The following SLC26A7 variants were observed in gnomAD, a reference collection of about 807,000 sequenced individuals.
The protein encoded by SLC26A7 is solute carrier family 26 member 7, also known as anion exchange transporter.
In SLC26A7, 59 loss-of-function variants were observed where a neutral mutation model predicts 82.5. That is an observed-to-expected ratio of 0.72 (90% CI 0.58 to 0.89). The LOEUF (loss-of-function observed/expected upper bound fraction) is 0.89, where lower values mean the gene tolerates loss of function less well. Ranked by LOEUF, SLC26A7 falls within the 40% of genes least tolerant of loss-of-function variation. The pLI, the probability that SLC26A7 is intolerant of heterozygous loss-of-function variation, is 0.00. For synonymous variants in SLC26A7, 271 were observed against 274.3 expected (o/e 0.99, Z 0.12); for missense variants, 820 against 793.0 (o/e 1.03, Z -0.41).
At chr8:91,372,933 C>A (rs1012575132) in intron 15 of SLC26A7, among the ~76,000 whole-genome samples, 2 of 151,694 alleles carry the variant, frequency 1.3e-5, no homozygotes, top group Non-Finnish European at 3.0e-5. Flanking sequence ...CTTGTAGAGG[C>A]CTTTCACGTC....
rs753535949 is a variant in SLC26A7 at position 91,395,143 on chromosome 8, A to G, written c.*46A>G. ...GCTCTTGTCTTTACCAACTGCCTGA[A>G]GAGGCCATATGCTGGCATTTTGCAC... is the stretch of plus-strand genomic sequence containing the variant. On this transcript the variant is annotated 3_prime_UTR_variant, in exon 19 of 19. Coordinates refer to ENST00000276609, the MANE Select transcript of SLC26A7 (RefSeq NM_052832.4). 4.3e-5 allele frequency: 69 copies of G among 1,611,744 alleles called. No individual in the cohort carries two copies. In the Admixed American group the frequency reaches 1.1e-3, roughly 27 times the overall value.
intron 4 of SLC26A7, among the ~76,000 whole-genome samples, chr8:91,305,392 C>T (rs1026931856): frequency 2.0e-5 from 3 of 152,070 alleles, no homozygotes; most frequent in African/African-American, 7.2e-5. Context: ...CAGACCTAGT[C>T]AATAAAATCT....
intron 5 of SLC26A7, among the ~76,000 whole-genome samples, chr8:91,319,006 A>G (rs370974729): frequency 1.3e-5 from 2 of 152,352 alleles, no homozygotes; most frequent in South Asian, 2.1e-4. Context: ...GCTGACAACC[A>G]AACTTTGTTT....
chr8:91,279,795 G>A (rs1811519916), intron 2 of SLC26A7, among the ~76,000 whole-genome samples: 5 of 152,068 alleles, frequency 3.3e-5, no homozygotes, highest in Admixed American at 2.6e-4. Context: ...TCCTGACCTC[G>A]TGTGCACCCG....
chr8:91,325,084 A>G (rs1229561350), intron 5 of SLC26A7, among the ~76,000 whole-genome samples: 1 of 152,196 alleles, frequency 6.6e-6, no homozygotes, highest in Admixed American at 6.5e-5. Flanking sequence ...TTATATGTGT[A>G]GCTGGCAGAA....
intron 2 of SLC26A7, among the ~76,000 whole-genome samples, chr8:91,230,772 C>G (rs1292211090): frequency 1.3e-5 from 2 of 152,246 alleles, no homozygotes; most frequent in South Asian, 2.1e-4. Flanking sequence ...TTTATGTATA[C>G]TGAATACTAC....
chr8:91,391,717 G>T (rs770495288), intron 16 of SLC26A7, among the ~76,000 whole-genome samples: 2 of 152,020 alleles, frequency 1.3e-5, no homozygotes, highest in Non-Finnish European at 2.9e-5. Context: ...CTGGGTTCTG[G>T]TTCTGACCTA....
rs745790203 is a variant in SLC26A7 at position 91,363,495 on chromosome 8, A to G, written c.1445A>G (p.Asn482Ser). 1 of 1,509,934 alleles carries G rather than the reference A, an allele frequency of 6.6e-7. No individual in the cohort carries two copies. The highest frequency in any genetic ancestry group is 2.4e-5 in the East Asian group (1 of 42,482). The allele number at this position is 1,509,934 out of a possible 1,614,324, so 93.5% of individuals were successfully genotyped here. ...AGAGCAATGACTGTAAGTATAAAAAATATGAAAGAAATGGAATTTAAAGTG... is the reference window on the plus strand; with the variant it reads ...AGAGCAATGACTGTAAGTATAAAAAGTATGAAAGAAATGGAATTTAAAGTG... ...FPRAMTVSIK[N>S]MKEMEFKVKT... Residue 482 changes from asparagine to serine, a missense_variant, in exon 13 of 19, where the codon AAT (asparagine) becomes AGT (serine). Asn to Ser is a conservative substitution (Grantham distance 46). Coordinates refer to ENST00000276609, the MANE Select transcript of SLC26A7 (RefSeq NM_052832.4).
chr8:91,225,293 A>C (rs1483581893), intron 2 of SLC26A7, among the ~76,000 whole-genome samples: 2 of 152,214 alleles, frequency 1.3e-5, no homozygotes, highest in Non-Finnish European at 2.9e-5. Context: ...GCTAGATCCC[A>C]GTGGCATGGG....
At chr8:91,288,384 G>A (rs544733775) in intron 2 of SLC26A7, among the ~76,000 whole-genome samples, 4 of 152,202 alleles carry the variant, frequency 2.6e-5, no homozygotes, top group South Asian at 2.1e-4. Context: ...TTTTGGTCAC[G>A]TTGAAACCAC....
chr8:91,306,823 C>T (rs936943332), intron 4 of SLC26A7, among the ~76,000 whole-genome samples: 1 of 151,764 alleles, frequency 6.6e-6, no homozygotes, highest in Non-Finnish European at 1.5e-5. Context: ...TATCCTTTCA[C>T]CTCAGCCTCA....
At chr8:91,259,138 G>A (rs1273865730) in intron 2 of SLC26A7, among the ~76,000 whole-genome samples, 1 of 152,074 alleles carries the variant, frequency 6.6e-6, no homozygotes, top group Non-Finnish European at 1.5e-5. Flanking sequence ...GGGAATCAAT[G>A]TTTAAATACC....
intron 14 of SLC26A7, among the ~76,000 whole-genome samples, 190 bp from the exon 15 acceptor site, chr8:91,369,595 T>C (rs1814296890): frequency 6.6e-6 from 1 of 152,186 alleles, no homozygotes; most frequent in African/African-American, 2.4e-5. Flanking sequence ...AATTGCTGTA[T>C]ACTTAGAATT....
intron 9 of SLC26A7, among the ~76,000 whole-genome samples, chr8:91,345,107 A>AT (rs575561031): frequency 0.013 from 1,835 of 137,776 alleles, 30 homozygotes; most frequent in African/African-American, 0.041. Flanking sequence ...ACACCTTGCT[A>AT]TTTTTTTTTT....
chr8:91,218,408 C>T (rs1291443748), intron 1 of SLC26A7, among the ~76,000 whole-genome samples: 3 of 151,968 alleles, frequency 2.0e-5, no homozygotes, highest in Admixed American at 6.6e-5. Context: ...TTGCCTGAGA[C>T]CCAGCCAGTG....
At chr8:91,390,701 C>T (rs536372377) in intron 16 of SLC26A7, among the ~76,000 whole-genome samples, 1 of 151,998 alleles carries the variant, frequency 6.6e-6, no homozygotes, top group East Asian at 1.9e-4. Context: ...GAGTTCTTTC[C>T]TCACCATTGA....
rs1160502244 is a variant in SLC26A7, at chr8:91,307,726, C to G, written c.478-10490C>G. On this transcript the variant is annotated intron_variant, in intron 4 of 18. Coordinates refer to ENST00000276609, the MANE Select transcript of SLC26A7 (RefSeq NM_052832.4). ...ATGACGAGTTAGTGGGTGCAGCGCACCAGCATGGCACATGTATACATATGT... is the reference window on the plus strand; with the variant it reads ...ATGACGAGTTAGTGGGTGCAGCGCAGCAGCATGGCACATGTATACATATGT... Among the ~76,000 whole-genome samples, 288 of 143,434 alleles carry G rather than the reference C, an allele frequency of 2.0e-3. 1 individual carries two copies. The highest frequency in any genetic ancestry group is 3.6e-3 in the Non-Finnish European group (236 of 65,466). The allele number at this position is 143,434 out of a possible 152,430, so 94.1% of individuals were successfully genotyped here. A position where few individuals can be genotyped will look rare whatever the true frequency, so the allele number is the denominator to read the frequency against.
At chr8:91,319,273 A>G (rs1812726413) in intron 5 of SLC26A7, among the ~76,000 whole-genome samples, 2 of 152,302 alleles carry the variant, frequency 1.3e-5, no homozygotes, top group South Asian at 2.1e-4. Context: ...ATAAGTTCCT[A>G]TGATAGAATT....
intron 14 of SLC26A7, among the ~76,000 whole-genome samples, chr8:91,368,832 T>G (rs1465501954): frequency 6.6e-6 from 1 of 152,204 alleles, no homozygotes; most frequent in Non-Finnish European, 1.5e-5. Context: ...CCCTGAGATG[T>G]AAGTGGCATT....
Sources: gnomAD v4.1 joint callset for allele counts (sites outside exome capture counted in the v4.1 genomes callset) on GRCh38, gnomAD v4.1.1 for gene constraint, MANE v1.5 for transcripts, NCBI Gene and HGNC (gene_info 2026-07-23, HGNC 2026-07-21) for gene names.